MAPK10: variants seen among roughly 807,000 people sequenced by gnomAD.
MAPK10 encodes mitogen-activated protein kinase 10, also known as JNK3 alpha protein kinase.
A neutral mutation model predicts 59.3 loss-of-function variants in MAPK10; 25 were observed. The ratio of observed to expected loss-of-function variants is 0.42; its 90% CI spans 0.31 to 0.59. MAPK10 has a LOEUF of 0.59. Among genes scored for constraint, MAPK10 ranks in the 20% least tolerant of loss-of-function variants. MAPK10 has a pLI of 0.15. For synonymous variants in MAPK10, 190 were observed against 200.5 expected, an observed-to-expected ratio of 0.95 and a Z score of 0.44; for missense variants, 351 against 568.9, an observed-to-expected ratio of 0.62 and a Z score of 3.90.
rs1006625080 is a variant in MAPK10, at chr4:86,408,036, A to G, written c.-122+44994T>C. Among the ~76,000 whole-genome samples, 8 of 151,930 alleles carry G rather than the reference A, an allele frequency of 5.3e-5. No homozygotes were observed. In the South Asian group the frequency reaches 8.4e-4, roughly 16 times the overall value. On this transcript the variant is annotated intron_variant, in intron 1 of 13. Coordinates refer to the MAPK10 transcript ENST00000361569. Reference sequence around the variant, plus strand: ...GTCATTTACATTAGGTATTTCTCCAATGCTATCCCTCCCACAGCCCCCCAC... The same window carrying G: ...GTCATTTACATTAGGTATTTCTCCAGTGCTATCCCTCCCACAGCCCCCCAC...
intron 1 of MAPK10, among the ~76,000 whole-genome samples, chr4:86,430,877 A>G (rs1401170426): frequency 3.9e-5 from 6 of 152,232 alleles, no homozygotes; most frequent in Admixed American, 6.5e-5. Context: ...CCTGAGAACA[A>G]CGGAAAAACC....
intron 3 of MAPK10, among the ~76,000 whole-genome samples, chr4:86,176,412 T>A (rs1451076685): frequency 6.6e-6 from 1 of 152,152 alleles, no homozygotes; most frequent in Admixed American, 6.6e-5. Flanking sequence ...ACCTCAACAA[T>A]AATTAAGCTC....
chr4:86,020,770 T>G (rs536081051), intron 13 of MAPK10: 6 of 154,320 alleles, frequency 3.9e-5, no homozygotes, highest in Non-Finnish European at 7.2e-5. Flanking sequence ...GGGCTCGTGG[T>G]CTCACTGGGG....
At chr4:86,096,937 C>T (rs911796049) in intron 9 of MAPK10, among the ~76,000 whole-genome samples, 2 of 151,754 alleles carry the variant, frequency 1.3e-5, no homozygotes, top group African/African-American at 4.8e-5. Context: ...TAAATGGTTG[C>T]CATGTGGTTT....
At chr4:86,477,690 A>G (rs1051021504) in intron 1 of MAPK10, among the ~76,000 whole-genome samples, 12 of 152,188 alleles carry the variant, frequency 7.9e-5, no homozygotes, top group African/African-American at 2.9e-4. Flanking sequence ...TACCTGTCCA[A>G]AAACCTGACA....
intron 1 of MAPK10, among the ~76,000 whole-genome samples, chr4:86,487,271 T>A (rs994397810): frequency 1.3e-5 from 2 of 152,058 alleles, no homozygotes; most frequent in African/African-American, 4.8e-5. Context: ...AGAGGATACC[T>A]TTTTTTCTTA....
chr4:86,539,698 A>G (rs900396698), intron 1 of MAPK10, among the ~76,000 whole-genome samples: 3 of 152,218 alleles, frequency 2.0e-5, no homozygotes, highest in African/African-American at 7.2e-5. Flanking sequence ...TGGCTGGGGC[A>G]CATGTGAGAA....
rs111355561 is a variant in MAPK10, at chr4:86,164,931, G to C, written c.67-5464C>G. On this transcript the variant is annotated intron_variant, in intron 3 of 13. Transcript: ENST00000641462. Reference sequence around the variant, plus strand: ...ACCTAGACAATCTTGTGTGGTGATAGAAAGCTGGATATTCATGGATGCCAA... The same window carrying C: ...ACCTAGACAATCTTGTGTGGTGATACAAAGCTGGATATTCATGGATGCCAA... Among the ~76,000 whole-genome samples the C allele has an allele frequency of 2.3e-4, 35 of 152,300 alleles. No homozygotes were observed. The Middle Eastern group carries it at 0.01, about 44-fold the overall frequency.
At chr4:86,515,271 T>C (rs1041356222) in intron 1 of MAPK10, among the ~76,000 whole-genome samples, 2 of 152,242 alleles carry the variant, frequency 1.3e-5, no homozygotes, top group African/African-American at 2.4e-5. Context: ...TAATTTTGCA[T>C]TGTGAATTGT....
intron 4 of MAPK10, chr4:86,107,700 T>G: frequency 1.0e-6 from 1 of 990,632 alleles, no homozygotes; most frequent in Non-Finnish European, 1.2e-6. Flanking sequence ...GCATTCAAAT[T>G]TCCCACTAGC....
At chr4:86,203,836 C>A (rs2083202120) in intron 2 of MAPK10, among the ~76,000 whole-genome samples, 1 of 151,426 alleles carries the variant, frequency 6.6e-6, no homozygotes, top group Non-Finnish European at 1.5e-5. Context: ...AAGTAATTAT[C>A]TTTTCAGGGG....
At chr4:86,235,767 T>C (rs1216510015) in intron 2 of MAPK10, among the ~76,000 whole-genome samples, 1 of 152,182 alleles carries the variant, frequency 6.6e-6, no homozygotes, top group East Asian at 1.9e-4. Flanking sequence ...CTGAGTCAGC[T>C]GTGGTGGAGG....
chr4:86,136,636 A>C (rs895405181), intron 4 of MAPK10, among the ~76,000 whole-genome samples: 1 of 151,022 alleles, frequency 6.6e-6, no homozygotes, highest in Non-Finnish European at 1.5e-5. Context: ...CTAACGAGCA[A>C]AATCACCAGC....
intron 13 of MAPK10, among the ~76,000 whole-genome samples, chr4:86,021,923 C>A (rs890703774): frequency 6.6e-6 from 1 of 152,238 alleles, no homozygotes; most frequent in African/African-American, 2.4e-5. Context: ...GCCAAGCCCA[C>A]GCCTACCTGC....
intron 1 of MAPK10, chr4:86,358,221 T>C: frequency 1.0e-6 from 1 of 985,356 alleles, no homozygotes. Flanking sequence ...AAGTAGAAAA[T>C]TCACAGAAGC....
chr4:86,508,898 C>T (rs1477266429), intron 1 of MAPK10, among the ~76,000 whole-genome samples: 1 of 152,194 alleles, frequency 6.6e-6, no homozygotes, highest in African/African-American at 2.4e-5. Flanking sequence ...CAGCTGGCTA[C>T]ATGGCTTTTC....
At chr4:86,048,820 T>C (rs1373867937) in intron 11 of MAPK10, among the ~76,000 whole-genome samples, 1 of 152,154 alleles carries the variant, frequency 6.6e-6, no homozygotes, top group African/African-American at 2.4e-5. Context: ...TGTAATAATT[T>C]TTTTAATTCC....
chr4:86,168,181 A>G (rs1581731388), intron 3 of MAPK10, among the ~76,000 whole-genome samples: 2 of 152,320 alleles, frequency 1.3e-5, no homozygotes, highest in Non-Finnish European at 1.5e-5. Context: ...TACCGGGTTC[A>G]TCTCACTAGG....
intron 1 of MAPK10, among the ~76,000 whole-genome samples, chr4:86,475,267 G>T (rs993335923): frequency 6.6e-6 from 1 of 152,098 alleles, no homozygotes; most frequent in African/African-American, 2.4e-5. Context: ...CCTTCCTTGG[G>T]AGATCAATCC....
Sources: gnomAD v4.1 joint callset for allele counts (sites outside exome capture counted in the v4.1 genomes callset) on GRCh38, gnomAD v4.1.1 for gene constraint, MANE v1.5 for transcripts, NCBI Gene and HGNC (gene_info 2026-07-23, HGNC 2026-07-21) for gene names.